ARHGEF3: variants seen among roughly 807,000 people sequenced by gnomAD.
The protein encoded by ARHGEF3 is Rho guanine nucleotide exchange factor 3.
A neutral mutation model predicts 63.2 loss-of-function variants in ARHGEF3; 28 were observed. The ratio of observed to expected loss-of-function variants is 0.44; its 90% CI spans 0.33 to 0.61. The LOEUF (loss-of-function observed/expected upper bound fraction) is 0.61, where lower values mean the gene tolerates loss of function less well. Ranked by LOEUF, ARHGEF3 falls within the 20% of genes least tolerant of loss-of-function variation. ARHGEF3 has a pLI of 0.03. For synonymous variants in ARHGEF3, 266 were observed against 254.2 expected, an observed-to-expected ratio of 1.05 and a Z score of -0.44; for missense variants, 533 against 659.3, an observed-to-expected ratio of 0.81 and a Z score of 2.10.
At chr3:56,942,986 C>T (rs1208228574) in intron 3 of ARHGEF3, among the ~76,000 whole-genome samples, 1 of 152,148 alleles carries the variant, frequency 6.6e-6, no homozygotes, top group Non-Finnish European at 1.5e-5. Context: ...TTGGTTAGTT[C>T]ATGAGGTTTA....
At chr3:56,977,129 TA>T (rs1415533204) in intron 2 of ARHGEF3, 1 of 404,128 alleles carries the variant, frequency 2.5e-6, no homozygotes, top group Non-Finnish European at 4.9e-6. Flanking sequence ...TCACAGCTAC[TA>T]AAGGGTAAGG....
rs138459151 is a variant in ARHGEF3, at chr3:57,042,034, C to T, written c.-27-6858G>A. Among the ~76,000 whole-genome samples, 6 of 152,312 alleles carry T rather than the reference C, an allele frequency of 3.9e-5. No homozygotes were observed. In the East Asian group the frequency reaches 9.7e-4, roughly 25 times the overall value. ...CCGAGACATTAGGTCAGTTACCAAA[C>T]AGTGCTCTGGTCAGTGTGGACACAG... On this transcript the variant is annotated intron_variant, in intron 1 of 12. Coordinates refer to the ARHGEF3 transcript ENST00000338458.
chr3:56,776,961 T>G (rs575321845), intron 1 of ARHGEF3, among the ~76,000 whole-genome samples: 48 of 152,382 alleles, frequency 3.1e-4, no homozygotes, highest in African/African-American at 1.1e-3. Flanking sequence ...GCATTCTGTA[T>G]AGACAGTATT....
chr3:56,752,587 G>C (rs903286237), intron 4 of ARHGEF3, among the ~76,000 whole-genome samples: 2 of 152,198 alleles, frequency 1.3e-5, no homozygotes, highest in Non-Finnish European at 2.9e-5. Flanking sequence ...TGAAACGAAA[G>C]AGAAAAGTTT....
Position 56,840,353 on chromosome 3 carries a change from T to C in ARHGEF3, c.192+41939A>G, listed in dbSNP as rs141270776. Among the ~76,000 whole-genome samples the C allele has an allele frequency of 4.4e-3, 665 of 152,322 alleles. 5 individuals carry two copies. The highest frequency in any genetic ancestry group is 0.015 in the African/African-American group (624 of 41,586). On this transcript the variant is annotated intron_variant, in intron 4 of 12. Transcript: ENST00000338458. The stretch of plus-strand genomic sequence containing the variant: ...GTTCTAGGACAAGAAGTGGTCTGCA[T>C]TTCTGCAGGATCCCAGAGTTTCAAA...
At chr3:56,878,440 C>T (rs774936459) in intron 4 of ARHGEF3, among the ~76,000 whole-genome samples, 5 of 152,082 alleles carry the variant, frequency 3.3e-5, no homozygotes, top group South Asian at 4.2e-4. Context: ...TTGGGTGAGG[C>T]GGTGGGAAAA....
At chr3:56,747,785 C>T (rs891505416) in intron 6 of ARHGEF3, among the ~76,000 whole-genome samples, 1 of 152,194 alleles carries the variant, frequency 6.6e-6, no homozygotes, top group African/African-American at 2.4e-5. Context: ...GATCACATCA[C>T]TGCACTCCAG....
chr3:56,857,413 C>A (rs1447205053), intron 4 of ARHGEF3, among the ~76,000 whole-genome samples: 1 of 152,148 alleles, frequency 6.6e-6, no homozygotes, highest in Non-Finnish European at 1.5e-5. Context: ...AAGGGAAGAA[C>A]TTATTTGCTG....
intron 3 of ARHGEF3, among the ~76,000 whole-genome samples, chr3:56,895,343 A>G (rs79939729): frequency 0.03 from 4,568 of 152,288 alleles, 95 homozygotes; most frequent in Non-Finnish European, 0.048. Flanking sequence ...AGCTGGGCAG[A>G]GAGAGGGGCC....
chr3:56,898,099 C>T (rs1413645394), intron 3 of ARHGEF3, among the ~76,000 whole-genome samples: 3 of 151,638 alleles, frequency 2.0e-5, no homozygotes, highest in African/African-American at 4.8e-5. Context: ...AGGCTCGTCT[C>T]GAACTCCTGG....
intron 4 of ARHGEF3, among the ~76,000 whole-genome samples, chr3:56,821,720 T>C (rs1240452755): frequency 2.0e-5 from 3 of 152,128 alleles, no homozygotes; most frequent in Non-Finnish European, 4.4e-5. Context: ...TCCCAGCACT[T>C]TGGGAGGCCG....
At chr3:57,055,402 T>C (rs891987822) in intron 1 of ARHGEF3, among the ~76,000 whole-genome samples, 2 of 152,198 alleles carry the variant, frequency 1.3e-5, no homozygotes, top group Admixed American at 1.3e-4. Flanking sequence ...CCTCAGGTGA[T>C]CTGCCCGCCT....
chr3:56,801,733 G>A lies in ARHGEF3; in HGVS notation c.66C>T (p.Pro22=), dbSNP rs3732508. 0.53 allele frequency: 829,755 copies of A among 1,566,628 alleles called. 232,373 individuals are homozygous for A. Among genetic ancestry groups the A allele is most frequent in the Non-Finnish European group, 0.57 (658,214 of 1,154,548 alleles). The change falls in exon 1 of 10, where the codon CCC becomes CCT. Residue 22 remains proline, a synonymous_variant. Transcript: ENST00000296315. ...VKRANCSLEL[P]PASGPAKDAE... ...CGTCCTTGGCCGGACCGCTGGCCGG[G>A]GGTAGCTCCAGGCTGCAGTTCGCTC...
intron 1 of ARHGEF3, chr3:56,775,222 T>A: frequency 7.1e-7 from 1 of 1,408,862 alleles, no homozygotes; most frequent in Non-Finnish European, 9.3e-7. Context: ...TGCATCCCCG[T>A]TCTGAACATA....
At position 56,965,718 on chromosome 3, in the gene ARHGEF3, G is replaced by A. The variant is rs551791414; in HGVS notation, c.63-6829C>T. 4.5e-4 allele frequency among the ~76,000 whole-genome samples: 66 copies of A among 145,718 alleles called. 3 individuals are homozygous for A. The South Asian group carries it at 0.011, about 25-fold the overall frequency. On this transcript the variant is annotated intron_variant, in intron 2 of 12. Coordinates refer to the ARHGEF3 transcript ENST00000338458. ...GGCTGGAGTGCAGTGGCACAATCTC[G>A]GCTCACTGCAACCTCTGCCTTCCGG... is the stretch of plus-strand genomic sequence containing the variant.
chr3:57,074,147 A>C (rs1317188192), intron 1 of ARHGEF3: 2 of 1,614,066 alleles, frequency 1.2e-6, no homozygotes, highest in Admixed American at 1.7e-5. Flanking sequence ...GTGAGGATAT[A>C]GATGCCGAGC....
intron 4 of ARHGEF3, among the ~76,000 whole-genome samples, chr3:56,852,891 A>G (rs928965637): frequency 6.6e-6 from 1 of 152,170 alleles, no homozygotes; most frequent in Non-Finnish European, 1.5e-5. Flanking sequence ...TCCAAAAAGG[A>G]ACCTTGTCTG....
intron 3 of ARHGEF3, among the ~76,000 whole-genome samples, chr3:56,935,807 C>T (rs1277321845): frequency 3.3e-5 from 5 of 152,186 alleles, no homozygotes; most frequent in Non-Finnish European, 7.4e-5. Context: ...TCAGTGAGAC[C>T]AAGAACCCAC....
chr3:57,077,053 G>A (rs1361360176), intron 1 of ARHGEF3, among the ~76,000 whole-genome samples: 2 of 152,182 alleles, frequency 1.3e-5, no homozygotes, highest in Non-Finnish European at 2.9e-5. Context: ...GCAAGAAAGT[G>A]CCTGGCATGG....
Sources: allele counts gnomAD v4.1 joint callset (sites outside exome capture counted in the v4.1 genomes callset), GRCh38; gene constraint gnomAD v4.1.1; transcripts MANE v1.5; gene names NCBI Gene and HGNC (gene_info 2026-07-23, HGNC 2026-07-21).